The following RASEF variants were observed in gnomAD, a reference collection of about 807,000 sequenced individuals.
RASEF encodes ras and EF-hand domain-containing protein.
In RASEF, 68 loss-of-function variants were observed where a neutral mutation model predicts 90.1. The ratio of observed to expected loss-of-function variants is 0.75; its 90% confidence interval spans 0.62 to 0.92. RASEF has a LOEUF of 0.92. RASEF is among the 40% of genes least tolerant of loss of function. RASEF has a pLI of 0.00. For missense variants in RASEF, 949 were observed against 937.2 expected, an observed-to-expected ratio of 1.01 and a Z score of -0.16; for synonymous variants, 331 against 345.2, an observed-to-expected ratio of 0.96 and a Z score of 0.46.
At chr9:83,158,616 A>G in the RASEF span, among the ~76,000 whole-genome samples, 3 of 147,564 alleles carry the variant, frequency 2.0e-5, no homozygotes, top group Non-Finnish European at 3.0e-5. Context: ...ACATATATGT[A>G]TATATGTACA....
chr9:82,993,447 T>G (rs1381639315), intron 14 of RASEF, among the ~76,000 whole-genome samples: 4 of 152,174 alleles, frequency 2.6e-5, no homozygotes, highest in Non-Finnish European at 4.4e-5. Flanking sequence ...GACCACAGAA[T>G]CATATTTGGC....
At chr9:83,150,777 G>C in the RASEF span, among the ~76,000 whole-genome samples, 1 of 152,058 alleles carries the variant, frequency 6.6e-6, no homozygotes, top group Non-Finnish European at 1.5e-5. Flanking sequence ...CATCTTTATA[G>C]TCACTGTATT....
At chr9:83,001,932 T>C (rs1269322671) in intron 9 of RASEF, among the ~76,000 whole-genome samples, 5 of 152,238 alleles carry the variant, frequency 3.3e-5, no homozygotes, top group African/African-American at 9.6e-5. Flanking sequence ...AGATAAAGGC[T>C]GGAACTCCTG....
At chr9:83,048,112 T>C in intron 1 of RASEF, 1 of 985,338 alleles carries the variant, frequency 1.0e-6, no homozygotes, top group Non-Finnish European at 1.2e-6. Flanking sequence ...TGGGTCAGCA[T>C]TACCTGCCTG....
intron 16 of RASEF, among the ~76,000 whole-genome samples, chr9:82,987,199 A>T (rs1411579655): frequency 6.6e-6 from 1 of 152,204 alleles, no homozygotes; most frequent in Non-Finnish European, 1.5e-5. Context: ...AGGGTTGAGT[A>T]CTTTGAAAAG....
the RASEF span, among the ~76,000 whole-genome samples, chr9:83,078,142 C>T: frequency 9.9e-5 from 15 of 152,268 alleles, no homozygotes; most frequent in East Asian, 1.5e-3. Flanking sequence ...GGGTGTGGCT[C>T]ACCGTGTGTG....
intron 15 of RASEF, among the ~76,000 whole-genome samples, chr9:82,991,368 G>C (rs979291703): frequency 2.0e-5 from 3 of 152,110 alleles, no homozygotes; most frequent in Non-Finnish European, 4.4e-5. Flanking sequence ...AGCACTCTGC[G>C]ATCCTCATGC....
intron 14 of RASEF, among the ~76,000 whole-genome samples, chr9:82,996,043 CATG>C (rs374212081): frequency 1.7e-3 from 262 of 152,210 alleles, no homozygotes; most frequent in Non-Finnish European, 2.6e-3. Flanking sequence ...CATTTTAAGC[CATG>C]ATAAGTTGGT....
At chr9:83,106,485 A>G in the RASEF span, among the ~76,000 whole-genome samples, 2 of 152,112 alleles carry the variant, frequency 1.3e-5, no homozygotes, top group African/African-American at 2.4e-5. Context: ...GGGAGACTTC[A>G]GCACATGCTC....
At chr9:83,022,061 C>A (rs1347413490) in intron 3 of RASEF, among the ~76,000 whole-genome samples, 1 of 152,118 alleles carries the variant, frequency 6.6e-6, no homozygotes, top group East Asian at 1.9e-4. Context: ...TTACCCCCAA[C>A]CTAAGCAGCC....
chr9:83,175,640 GTGTGA>G, the RASEF span, among the ~76,000 whole-genome samples: 1 of 151,578 alleles, frequency 6.6e-6, no homozygotes, highest in Non-Finnish European at 1.5e-5. Flanking sequence ...GAGTGCAGTG[GTGTGA>G]TCTTGGCTCA....
At chr9:83,155,510 C>T in the RASEF span, among the ~76,000 whole-genome samples, 2 of 152,276 alleles carry the variant, frequency 1.3e-5, 1 homozygote, top group South Asian at 4.2e-4. Flanking sequence ...ACCATGAGAA[C>T]AGTATGGGGG....
the RASEF span, among the ~76,000 whole-genome samples, chr9:83,166,241 C>T: frequency 6.6e-6 from 1 of 152,112 alleles, no homozygotes; most frequent in East Asian, 1.9e-4. Flanking sequence ...TTCTAATGAA[C>T]ATAGCTGCGA....
chr9:83,143,365 A>G, the RASEF span, among the ~76,000 whole-genome samples: 2 of 152,176 alleles, frequency 1.3e-5, no homozygotes, highest in Non-Finnish European at 2.9e-5. Flanking sequence ...TCTATAAGGA[A>G]CTTAAAGCAA....
Position 82,980,446 on chromosome 9 carries a change from T to A in RASEF, c.*2231A>T, listed in dbSNP as rs927365148. On this transcript the variant is annotated 3_prime_UTR_variant, in exon 17 of 17. Transcript: ENST00000376447. ...CAGGGCTCAAATACTTAAAGATGAT[T>A]GGTTGACCATCAAAGGCACTGGTGT... 4.8e-4 allele frequency: 18 copies of A among 37,746 alleles called. No individual in the cohort carries two copies. Among genetic ancestry groups the A allele is most frequent in the Admixed American group, 8.5e-4 (3 of 3,534 alleles). The allele number at this position is 37,746 out of a possible 1,614,324, so 2.3% of individuals were successfully genotyped here.
At chr9:83,187,088 A>T in the RASEF span, among the ~76,000 whole-genome samples, 1 of 152,106 alleles carries the variant, frequency 6.6e-6, no homozygotes, top group Non-Finnish European at 1.5e-5. Flanking sequence ...AGCCCCTCAG[A>T]TTACTCAAAC....
At chr9:83,190,754 C>T in the RASEF span, among the ~76,000 whole-genome samples, 2 of 152,150 alleles carry the variant, frequency 1.3e-5, no homozygotes, top group Non-Finnish European at 2.9e-5. Context: ...AAATCATTTT[C>T]AATCCAATTG....
At chr9:83,072,390 C>T in the RASEF span, among the ~76,000 whole-genome samples, 7 of 152,130 alleles carry the variant, frequency 4.6e-5, no homozygotes, top group African/African-American at 1.7e-4. Flanking sequence ...CTGCATTAGT[C>T]AGGGTTCTCT....
At chr9:83,129,084 ATATACTCCTTT>A in the RASEF span, among the ~76,000 whole-genome samples, 1 of 152,172 alleles carries the variant, frequency 6.6e-6, no homozygotes, top group East Asian at 1.9e-4. Flanking sequence ...GACATAAACT[ATATACTCCTTT>A]GTCAGATGAC....
Sources: gnomAD v4.1 joint callset for allele counts (sites outside exome capture counted in the v4.1 genomes callset) on GRCh38, gnomAD v4.1.1 for gene constraint, MANE v1.5 for transcripts, NCBI Gene and HGNC (gene_info 2026-07-23, HGNC 2026-07-21) for gene names.